FOXP2: variants seen among roughly 807,000 people sequenced by gnomAD.
The protein encoded by FOXP2 is forkhead box protein P2.
Under a neutral mutation model 115.8 loss-of-function variants are expected in FOXP2, and 12 were observed. The ratio of observed to expected loss-of-function variants is 0.10; its 90% CI spans 0.07 to 0.17. The LOEUF is 0.17. Ranked by LOEUF, FOXP2 falls within the 10% of genes least tolerant of loss-of-function variation. The probability of loss-of-function intolerance (pLI) is 1.00; values close to 1 mark genes in which losing one functional copy is unlikely to be tolerated. For synonymous variants in FOXP2, 328 were observed against 297.7 expected (o/e 1.10, Z -1.05); for missense variants, 629 against 843.5 (o/e 0.75, Z 3.15).
chr7:114,588,013 TAAAA>T (rs1802232752), intron 3 of FOXP2, among the ~76,000 whole-genome samples: 1 of 151,508 alleles, frequency 6.6e-6, no homozygotes, highest in Admixed American at 6.6e-5. Context: ...TTAGATGTTT[TAAAA>T]AATACTTTAA....
At chr7:114,468,434 ACTT>A (rs1306502886) in intron 2 of FOXP2, among the ~76,000 whole-genome samples, 2 of 152,148 alleles carry the variant, frequency 1.3e-5, no homozygotes, top group Non-Finnish European at 2.9e-5. Context: ...AATCCAAACT[ACTT>A]AAGGTGACAT....
intron 2 of FOXP2, among the ~76,000 whole-genome samples, chr7:114,319,740 A>G (rs1443068548): frequency 6.6e-6 from 1 of 152,214 alleles, no homozygotes; most frequent in Non-Finnish European, 1.5e-5. Context: ...CAGCCAAACC[A>G]TATGAACTAC....
At chr7:114,558,723 T>C (rs189714485) in intron 3 of FOXP2, among the ~76,000 whole-genome samples, 68 of 152,314 alleles carry the variant, frequency 4.5e-4, no homozygotes, top group African/African-American at 1.6e-3. Flanking sequence ...TTATCTCATC[T>C]GCCCTGTAAG....
chr7:114,611,758 TAAC>T (rs1018782933), intron 3 of FOXP2, among the ~76,000 whole-genome samples: 78 of 152,312 alleles, frequency 5.1e-4, no homozygotes, highest in Middle Eastern at 3.4e-3. Context: ...ACCTTGGTAG[TAAC>T]AACATCATGA....
At chr7:114,355,278 G>GTGAT (rs2129186553) in intron 2 of FOXP2, among the ~76,000 whole-genome samples, 1 of 152,210 alleles carries the variant, frequency 6.6e-6, no homozygotes, top group African/African-American at 2.4e-5. Flanking sequence ...GCCTCCACAG[G>GTGAT]TGATTCAAAT....
intron 2 of FOXP2, among the ~76,000 whole-genome samples, chr7:114,330,539 A>G (rs894367720): frequency 2.7e-5 from 4 of 150,342 alleles, no homozygotes; most frequent in Non-Finnish European, 5.9e-5. Context: ...TTTTATATAT[A>G]CATAATATAT....
chr7:114,502,836 A>C (rs1258245106), intron 2 of FOXP2, among the ~76,000 whole-genome samples: 1 of 152,040 alleles, frequency 6.6e-6, no homozygotes, highest in Non-Finnish European at 1.5e-5. Flanking sequence ...ATAAATTTTC[A>C]TCAGAAGGGG....
intron 2 of FOXP2, among the ~76,000 whole-genome samples, chr7:114,508,478 T>C (rs1274599493): frequency 3.3e-5 from 5 of 152,022 alleles, no homozygotes; most frequent in Admixed American, 1.3e-4. Context: ...AAGCATGTGG[T>C]CTTAGTGCTT....
At chr7:114,424,681 TTA>T (rs1246134619) in intron 1 of FOXP2, among the ~76,000 whole-genome samples, 1 of 151,554 alleles carries the variant, frequency 6.6e-6, no homozygotes, top group African/African-American at 2.4e-5. Context: ...CAGTTTTAAT[TTA>T]TATGATTTTT....
chr7:114,404,176 T>A (rs1792961584), intron 2 of FOXP2, among the ~76,000 whole-genome samples: 1 of 152,034 alleles, frequency 6.6e-6, no homozygotes. Flanking sequence ...GGGGTGTCAA[T>A]ATCAAATAAT....
At chr7:114,475,176 T>C (rs1796204071) in intron 2 of FOXP2, among the ~76,000 whole-genome samples, 1 of 152,116 alleles carries the variant, frequency 6.6e-6, no homozygotes, top group South Asian at 2.1e-4. Context: ...AACAAATTGA[T>C]ATATAGTTAA....
chr7:114,480,354 C>T (rs1796470922), intron 2 of FOXP2, among the ~76,000 whole-genome samples: 1 of 151,422 alleles, frequency 6.6e-6, no homozygotes, highest in African/African-American at 2.4e-5. Context: ...AAAACAAAAT[C>T]ACTACTGGAA....
At chr7:114,312,154 G>A (rs1003626862) in intron 2 of FOXP2, among the ~76,000 whole-genome samples, 1 of 152,136 alleles carries the variant, frequency 6.6e-6, no homozygotes, top group South Asian at 2.1e-4. Context: ...ATATTGAATA[G>A]GGAGGTCCTG....
chr7:114,486,315 C>A (rs1263338395), intron 2 of FOXP2, among the ~76,000 whole-genome samples: 2 of 152,074 alleles, frequency 1.3e-5, no homozygotes, highest in Non-Finnish European at 2.9e-5. Context: ...TATCAAATCT[C>A]ATGAGACTTA....
intron 1 of FOXP2, among the ~76,000 whole-genome samples, chr7:114,277,614 C>T (rs576881181): frequency 1.3e-5 from 2 of 152,100 alleles, no homozygotes; most frequent in South Asian, 4.1e-4. Flanking sequence ...AAATTTTCAA[C>T]AATATAGTCA....
intron 2 of FOXP2, among the ~76,000 whole-genome samples, chr7:114,454,255 A>G (rs1281320199): frequency 9.2e-5 from 14 of 152,174 alleles, no homozygotes; most frequent in Admixed American, 7.9e-4. Context: ...GCAGCCAAAA[A>G]ACACATGAAA....
intron 1 of FOXP2, among the ~76,000 whole-genome samples, chr7:114,217,096 G>C (rs1256220776): frequency 6.6e-6 from 1 of 151,838 alleles, no homozygotes; most frequent in African/African-American, 2.4e-5. Flanking sequence ...TGTAAGCTAG[G>C]TCATTATAGG....
chr7:114,409,122 A>G (rs896260599), intron 2 of FOXP2, among the ~76,000 whole-genome samples: 4 of 152,102 alleles, frequency 2.6e-5, no homozygotes, highest in Non-Finnish European at 4.4e-5. Flanking sequence ...TTGACCGTTA[A>G]ATTTGGTTTA....
chr7:114,305,556 G>A (rs142368435), intron 2 of FOXP2, among the ~76,000 whole-genome samples: 117 of 152,044 alleles, frequency 7.7e-4, no homozygotes, highest in African/African-American at 2.7e-3. Flanking sequence ...TCAGTACAAC[G>A]CCTGTAAAAT....
Sources: allele counts gnomAD v4.1 joint callset (sites outside exome capture counted in the v4.1 genomes callset), GRCh38; gene constraint gnomAD v4.1.1; transcripts MANE v1.5; gene names NCBI Gene and HGNC (gene_info 2026-07-23, HGNC 2026-07-21).